Variants in PALM2AKAP2 observed in about 807,000 individuals in gnomAD.
The protein encoded by PALM2AKAP2 is PALM2 and AKAP2 fusion, also known as PALM2-AKAP2 fusion protein.
A neutral mutation model predicts 71.5 loss-of-function variants in PALM2AKAP2; 37 were observed. That is an observed-to-expected ratio of 0.52 (90% CI 0.40 to 0.68). PALM2AKAP2 has a LOEUF of 0.68. PALM2AKAP2 is among the 30% of genes least tolerant of loss of function. PALM2AKAP2 has a pLI of 0.00. For missense variants in PALM2AKAP2, 1,224 were observed against 1,191.8 expected (o/e 1.03, Z -0.40); for synonymous variants, 468 against 478.8 (o/e 0.98, Z 0.29).
intron 1 of PALM2AKAP2, among the ~76,000 whole-genome samples, chr9:109,751,925 G>A (rs1218191603): frequency 6.6e-6 from 1 of 152,134 alleles, no homozygotes; most frequent in Non-Finnish European, 1.5e-5. Context: ...CATTCAAAGT[G>A]TAGCAAGAAC....
At chr9:110,066,420 G>A (rs1416918412) in intron 1 of PALM2AKAP2, among the ~76,000 whole-genome samples, 1 of 152,164 alleles carries the variant, frequency 6.6e-6, no homozygotes, top group Non-Finnish European at 1.5e-5. Flanking sequence ...GTAAAAGATG[G>A]GCGTGGTGAT....
intron 1 of PALM2AKAP2, among the ~76,000 whole-genome samples, chr9:110,096,943 T>C (rs917200572): frequency 9.1e-5 from 13 of 142,174 alleles, no homozygotes. Flanking sequence ...TTTATTTATT[T>C]ATTTATTTAT....
At chr9:110,038,860 G>A (rs1009321319) in intron 7 of PALM2AKAP2, among the ~76,000 whole-genome samples, 1 of 148,914 alleles carries the variant, frequency 6.7e-6, no homozygotes, top group Admixed American at 6.8e-5. Flanking sequence ...AGAATTGCTT[G>A]AACGTGGGAG....
At chr9:109,777,967 C>G (rs142642223), upstream of PALM2AKAP2, among the ~76,000 whole-genome samples, 4,531 of 152,252 alleles carry the variant, frequency 0.03, 83 homozygotes, top group Non-Finnish European at 0.035. Context: ...CAGATATTTC[C>G]AACTGATCAC....
chr9:110,163,451 A>G (rs1836654025), intron 3 of PALM2AKAP2, among the ~76,000 whole-genome samples: 1 of 152,230 alleles, frequency 6.6e-6, no homozygotes, highest in Non-Finnish European at 1.5e-5. Context: ...TATTGCAAAT[A>G]CAATTTAAGC....
intron 6 of PALM2AKAP2, among the ~76,000 whole-genome samples, chr9:109,993,518 T>C (rs960481068): frequency 3.9e-5 from 6 of 152,142 alleles, no homozygotes; most frequent in African/African-American, 1.4e-4. Flanking sequence ...GAAGAAAACT[T>C]AGGAATGGAG....
At chr9:109,912,597 T>C (rs1400704997) in intron 3 of PALM2AKAP2, among the ~76,000 whole-genome samples, 1 of 152,200 alleles carries the variant, frequency 6.6e-6, no homozygotes, top group Admixed American at 6.5e-5. Flanking sequence ...TTTTGTAGCA[T>C]TGATTTGCAT....
chr9:109,812,231 G>A (rs577602573), intron 1 of PALM2AKAP2, among the ~76,000 whole-genome samples: 3 of 152,312 alleles, frequency 2.0e-5, no homozygotes, highest in Admixed American at 6.5e-5. Flanking sequence ...CCTCTGAGAA[G>A]GGAGAAGGGA....
chr9:109,994,586 CACAA>C (rs1202848318), intron 6 of PALM2AKAP2, among the ~76,000 whole-genome samples: 1 of 152,204 alleles, frequency 6.6e-6, no homozygotes, highest in Non-Finnish European at 1.5e-5. Context: ...TCACCCCACT[CACAA>C]ACAGCCTGCC....
rs1834119611 is a variant in PALM2AKAP2 at position 110,067,995 on chromosome 9, T to C, written c.156+19140T>C. Among the ~76,000 whole-genome samples the C allele has an allele frequency of 3.5e-5, 5 of 142,426 alleles. No individual in the cohort carries two copies. In the South Asian group the frequency reaches 8.3e-4, roughly 24 times the overall value. The allele number at this position is 142,426 out of a possible 152,430, so 93.4% of individuals were successfully genotyped here. A position where few individuals can be genotyped will look rare whatever the true frequency, so the allele number is the denominator to read the frequency against. On this transcript the variant is annotated intron_variant, in intron 1 of 3. Transcript: ENST00000374525. ...AATGACGAGGCTGCAGTGATTGAAATACAATTTGTGTGGCTTTTAGGCAAG... is the reference window on the plus strand; with the variant it reads ...AATGACGAGGCTGCAGTGATTGAAACACAATTTGTGTGGCTTTTAGGCAAG...
chr9:109,760,941 G>A (rs150292182), intron 1 of PALM2AKAP2, among the ~76,000 whole-genome samples: 31 of 152,016 alleles, frequency 2.0e-4, no homozygotes, highest in African/African-American at 7.2e-4. Flanking sequence ...TTTGTGTCAG[G>A]GCACATTATC....
chr9:109,857,825 C>T (rs1014140149), intron 1 of PALM2AKAP2, among the ~76,000 whole-genome samples: 6 of 152,132 alleles, frequency 3.9e-5, no homozygotes, highest in East Asian at 1.9e-4. Context: ...TGAAAAACTG[C>T]GGGGCAATTC....
At chr9:109,814,566 C>T (rs906323597) in intron 1 of PALM2AKAP2, among the ~76,000 whole-genome samples, 3 of 152,108 alleles carry the variant, frequency 2.0e-5, no homozygotes, top group Non-Finnish European at 2.9e-5. Flanking sequence ...TGTTGATGGC[C>T]TTCTGTGTGC....
intron 1 of PALM2AKAP2, among the ~76,000 whole-genome samples, chr9:109,672,966 G>C (rs1009833485): frequency 6.6e-6 from 1 of 151,728 alleles, no homozygotes; most frequent in Non-Finnish European, 1.5e-5. Flanking sequence ...TGGTGTTTCT[G>C]ATTGTGTTTA....
intron 6 of PALM2AKAP2, among the ~76,000 whole-genome samples, chr9:109,949,413 A>T (rs1467638546): frequency 6.6e-6 from 1 of 152,234 alleles, no homozygotes; most frequent in African/African-American, 2.4e-5. Context: ...GTCGAAGATG[A>T]GTAGGATGAT....
intron 1 of PALM2AKAP2, among the ~76,000 whole-genome samples, chr9:110,084,128 T>C (rs978621972): frequency 6.6e-6 from 1 of 152,114 alleles, no homozygotes; most frequent in Non-Finnish European, 1.5e-5. Flanking sequence ...TTTAGAGATA[T>C]GATGGAAAAG....
At chr9:109,873,382 G>T (rs1240625396) in intron 2 of PALM2AKAP2, among the ~76,000 whole-genome samples, 3 of 151,946 alleles carry the variant, frequency 2.0e-5, no homozygotes, top group African/African-American at 7.3e-5. Context: ...GTCGCAGTGA[G>T]CCAAGATCAC....
At chr9:109,879,186 G>A (rs1195906276) in intron 2 of PALM2AKAP2, among the ~76,000 whole-genome samples, 3 of 152,214 alleles carry the variant, frequency 2.0e-5, no homozygotes, top group African/African-American at 7.2e-5. Flanking sequence ...TCAGTCTTTA[G>A]AAGAGTTCTT....
intron 6 of PALM2AKAP2, among the ~76,000 whole-genome samples, chr9:109,980,122 T>C (rs970620422): frequency 6.6e-6 from 1 of 152,142 alleles, no homozygotes; most frequent in African/African-American, 2.4e-5. Flanking sequence ...AGTAGGCCAC[T>C]CCACCATCAC....
Sources: allele counts gnomAD v4.1 joint callset (sites outside exome capture counted in the v4.1 genomes callset), GRCh38; gene constraint gnomAD v4.1.1; transcripts MANE v1.5; gene names NCBI Gene and HGNC (gene_info 2026-07-23, HGNC 2026-07-21).